Variants in LAPTM4B observed in about 807,000 individuals in gnomAD.
LAPTM4B encodes the protein lysosomal-associated transmembrane protein 4B.
In LAPTM4B, 26 loss-of-function variants were observed where a neutral mutation model predicts 28.5. The observed-to-expected ratio is 0.91, with a 90% CI of 0.67 to 1.27. The LOEUF is 1.27. Among genes scored for constraint, LAPTM4B ranks in the 50% most tolerant of loss-of-function variants. LAPTM4B has a pLI of 0.00. For missense variants in LAPTM4B, 288 were observed against 285.8 expected, an observed-to-expected ratio of 1.01 and a Z score of -0.06; for synonymous variants, 109 against 106.4, an observed-to-expected ratio of 1.02 and a Z score of -0.15.
intron 1 of LAPTM4B, among the ~76,000 whole-genome samples, chr8:97,792,523 G>A (rs1816516507): frequency 6.6e-6 from 1 of 152,112 alleles, no homozygotes; most frequent in South Asian, 2.1e-4. Context: ...CCAAAGTGCT[G>A]GGATTACAGG....
chr8:97,787,379 A>G (rs4492342), intron 1 of LAPTM4B, among the ~76,000 whole-genome samples: 69,885 of 148,394 alleles, frequency 0.47, 16,583 homozygotes, highest in Non-Finnish European at 0.5. Context: ...TCCGCCTCCC[A>G]GGTTCACGCC....
chr8:97,800,017 T>C (rs972767465), intron 1 of LAPTM4B, among the ~76,000 whole-genome samples: 1 of 152,172 alleles, frequency 6.6e-6, no homozygotes, highest in African/African-American at 2.4e-5. Context: ...CCCCTGACTG[T>C]AACTCTCCTT....
chr8:97,809,488 T>C (rs967037836), intron 2 of LAPTM4B, among the ~76,000 whole-genome samples: 7 of 152,192 alleles, frequency 4.6e-5, no homozygotes, highest in Admixed American at 4.6e-4. Context: ...TTGCTTGAGC[T>C]CAGGAGTTCG....
intron 6 of LAPTM4B, among the ~76,000 whole-genome samples, chr8:97,838,496 C>G (rs1281732428): frequency 6.6e-6 from 1 of 152,172 alleles, no homozygotes; most frequent in Admixed American, 6.5e-5. Context: ...GTACTAGGTC[C>G]TATTAATTCC....
rs570627925 is a variant in LAPTM4B, at chr8:97,793,095, T to C, written c.100-12258T>C. Among the ~76,000 whole-genome samples the C allele has an allele frequency of 2.6e-5, 4 of 152,296 alleles. No individual in the cohort carries two copies. In the South Asian group the frequency reaches 8.3e-4, roughly 32 times the overall value. On this transcript the variant is annotated intron_variant, in intron 1 of 6. Transcript: ENST00000521545. The stretch of plus-strand genomic sequence containing the variant: ...TAACAGAATTTGTGTTCACTCTGAA[T>C]AGAACATCCAATTTATTATTTTCCC...
chr8:97,794,532 T>TC (rs1816551794), intron 1 of LAPTM4B, among the ~76,000 whole-genome samples: 1 of 151,880 alleles, frequency 6.6e-6, no homozygotes. Flanking sequence ...AAATCTAATT[T>TC]CCCCCCAGAA....
intron 1 of LAPTM4B, among the ~76,000 whole-genome samples, chr8:97,791,488 T>C (rs962292062): frequency 6.6e-6 from 1 of 152,158 alleles, no homozygotes; most frequent in Non-Finnish European, 1.5e-5. Context: ...AGCCTGAGAA[T>C]GAACACCAGA....
chr8:97,821,209 G>A (rs1408340856), intron 5 of LAPTM4B, among the ~76,000 whole-genome samples: 2 of 151,992 alleles, frequency 1.3e-5, no homozygotes, highest in Admixed American at 1.3e-4. Flanking sequence ...GGTGGCGGGC[G>A]CCTGTAGTCC....
intron 1 of LAPTM4B, among the ~76,000 whole-genome samples, chr8:97,795,869 C>CT (rs1359723536): frequency 3.5e-5 from 5 of 143,458 alleles, no homozygotes; most frequent in Admixed American, 2.8e-4. Context: ...AGATCTAACA[C>CT]TAATTGGTAC....
At chr8:97,794,382 G>A (rs2129747137) in intron 1 of LAPTM4B, among the ~76,000 whole-genome samples, 1 of 152,258 alleles carries the variant, frequency 6.6e-6, no homozygotes. Flanking sequence ...AAAGTGCTGG[G>A]ATTGCAAGCG....
chr8:97,802,602 A>G (rs908138251), intron 1 of LAPTM4B, among the ~76,000 whole-genome samples: 8 of 152,048 alleles, frequency 5.3e-5, no homozygotes, highest in African/African-American at 1.2e-4. Context: ...CCGACCTCCT[A>G]TCTCATCCTG....
chr8:97,819,626 G>T (rs1816971826), intron 5 of LAPTM4B, among the ~76,000 whole-genome samples: 1 of 70,302 alleles, frequency 1.4e-5, no homozygotes. Context: ...TAAATTACTT[G>T]ATGAGCATTG....
chr8:97,794,044 G>T (rs1816544763), intron 1 of LAPTM4B, among the ~76,000 whole-genome samples: 4 of 152,122 alleles, frequency 2.6e-5, no homozygotes, highest in Admixed American at 2.6e-4. Context: ...CAATGGTGCA[G>T]TCTTGCCTCA....
intron 3 of LAPTM4B, 58 bp from the exon 4 acceptor site, chr8:97,816,000 G>A: frequency 6.9e-7 from 1 of 1,445,646 alleles, no homozygotes; most frequent in Non-Finnish European, 9.3e-7. Context: ...TTGAATTTAA[G>A]AAAAATATTG....
At chr8:97,843,982 A>G (rs921879362) in intron 6 of LAPTM4B, among the ~76,000 whole-genome samples, 4 of 151,788 alleles carry the variant, frequency 2.6e-5, no homozygotes, top group African/African-American at 7.2e-5. Context: ...CTTTTTGTCT[A>G]TCTGTGTATA....
chr8:97,786,885 T>C (rs1816411929), intron 1 of LAPTM4B, among the ~76,000 whole-genome samples: 1 of 152,178 alleles, frequency 6.6e-6, no homozygotes, highest in African/African-American at 2.4e-5. Flanking sequence ...ATAGATAAAG[T>C]TGCTATAACA....
chr8:97,784,368 G>A (rs933383132), intron 1 of LAPTM4B, among the ~76,000 whole-genome samples: 4 of 152,192 alleles, frequency 2.6e-5, no homozygotes, highest in African/African-American at 9.6e-5. Flanking sequence ...TATTCTGTAG[G>A]CAGTGGGGAA....
chr8:97,800,454 C>A (rs1483889768), intron 1 of LAPTM4B, among the ~76,000 whole-genome samples: 1 of 132,984 alleles, frequency 7.5e-6, no homozygotes, highest in Non-Finnish European at 1.6e-5. Context: ...AGATGACATT[C>A]TTCCCTTCTG....
At chr8:97,812,693 T>C (rs1000580143) in intron 2 of LAPTM4B, among the ~76,000 whole-genome samples, 2 of 152,148 alleles carry the variant, frequency 1.3e-5, no homozygotes, top group African/African-American at 4.8e-5. Flanking sequence ...ATTTAACCTA[T>C]GTGAGGAGCA....
Sources: gnomAD v4.1 joint callset for allele counts (sites outside exome capture counted in the v4.1 genomes callset) on GRCh38, gnomAD v4.1.1 for gene constraint, MANE v1.5 for transcripts, NCBI Gene and HGNC (gene_info 2026-07-23, HGNC 2026-07-21) for gene names.